The following CFAP299 variants were observed in gnomAD, a reference collection of about 807,000 sequenced individuals.
The protein encoded by CFAP299 is cilia and flagella associated protein 299, also known as cilia- and flagella-associated protein 299.
Under a neutral mutation model 27.0 loss-of-function variants are expected in CFAP299, and 21 were observed. The observed-to-expected ratio is 0.78, with a 90% CI of 0.55 to 1.12. CFAP299 has a LOEUF of 1.12. Ranked by LOEUF, CFAP299 falls within the 50% of genes most tolerant of loss-of-function variation. CFAP299 has a pLI of 0.00. For missense variants in CFAP299, 310 were observed against 276.6 expected, an observed-to-expected ratio of 1.12 and a Z score of -0.86; for synonymous variants, 104 against 98.1, an observed-to-expected ratio of 1.06 and a Z score of -0.36.
At chr4:80,775,776 A>G (rs896447727) in intron 3 of CFAP299, among the ~76,000 whole-genome samples, 1 of 152,160 alleles carries the variant, frequency 6.6e-6, no homozygotes, top group South Asian at 2.1e-4. Flanking sequence ...CTGGGATGCA[A>G]ATTCATAAAC....
At chr4:80,685,169 G>T (rs1228596531) in intron 3 of CFAP299, among the ~76,000 whole-genome samples, 15 of 152,112 alleles carry the variant, frequency 9.9e-5, no homozygotes, top group Admixed American at 9.8e-4. Context: ...AGACTCTTGG[G>T]CTGGCCCCAC....
At chr4:80,710,372 G>T (rs1488008360) in intron 3 of CFAP299, among the ~76,000 whole-genome samples, 1 of 151,780 alleles carries the variant, frequency 6.6e-6, no homozygotes. Context: ...AAAGAAGAAA[G>T]CTCAAATAAA....
chr4:80,335,166 GTAAAA>G (rs1722072944), upstream of CFAP299, among the ~76,000 whole-genome samples: 2 of 152,158 alleles, frequency 1.3e-5, no homozygotes, highest in African/African-American at 4.8e-5. Context: ...TGCTAAAATA[GTAAAA>G]TAAGTGCAAG....
At chr4:80,862,422 T>A (rs1732439457) in intron 3 of CFAP299, among the ~76,000 whole-genome samples, 1 of 152,088 alleles carries the variant, frequency 6.6e-6, no homozygotes, top group Non-Finnish European at 1.5e-5. Flanking sequence ...AAAATATAGA[T>A]ACGTCTTATA....
At chr4:80,638,757 G>A (rs937071921) in intron 3 of CFAP299, among the ~76,000 whole-genome samples, 1 of 152,152 alleles carries the variant, frequency 6.6e-6, no homozygotes, top group Non-Finnish European at 1.5e-5. Context: ...TCCATCATGG[G>A]TGCCTGCAGT....
At chr4:80,766,307 A>G (rs1476612942) in intron 3 of CFAP299, among the ~76,000 whole-genome samples, 1 of 152,206 alleles carries the variant, frequency 6.6e-6, no homozygotes, top group Non-Finnish European at 1.5e-5. Flanking sequence ...TTTACAATAG[A>G]ATACTGGAGT....
chr4:80,887,195 A>C (rs1257418423), intron 4 of CFAP299, among the ~76,000 whole-genome samples: 3 of 152,206 alleles, frequency 2.0e-5, no homozygotes, highest in East Asian at 1.9e-4. Flanking sequence ...AACGTCCCAA[A>C]CCTAGAGAAA....
rs571968426 is a variant in CFAP299 at position 80,856,265 on chromosome 4, G to C, written c.334-13728G>C. Among the ~76,000 whole-genome samples, 162 of 142,834 alleles carry C rather than the reference G, an allele frequency of 1.1e-3. 14 individuals are homozygous for C. The highest frequency in any genetic ancestry group is 4.3e-3 in the African/African-American group (159 of 36,710). The allele number at this position is 142,834 out of a possible 152,430, so 93.7% of individuals were successfully genotyped here. On this transcript the variant is annotated intron_variant, in intron 3 of 5. Coordinates refer to ENST00000358105, the MANE Select transcript of CFAP299 (RefSeq NM_152770.3). ...TTTTTGATGGGGTTGTTTTTTTCTT[G>C]TAAATTTGTTTGAGTTCAGTGTAGA...
chr4:80,536,275 G>T (rs1024751993), intron 2 of CFAP299, among the ~76,000 whole-genome samples: 2 of 152,116 alleles, frequency 1.3e-5, no homozygotes, highest in African/African-American at 4.8e-5. Context: ...TTTCAAGAAA[G>T]TCACTAAGTG....
At position 80,812,403 on chromosome 4, in the gene CFAP299, C is replaced by T. The variant is rs530494714; in HGVS notation, c.334-57590C>T. Among the ~76,000 whole-genome samples the T allele has an allele frequency of 2.6e-5, 4 of 152,148 alleles. No individual in the cohort carries two copies. The East Asian group carries it at 7.7e-4, about 29-fold the overall frequency. On this transcript the variant is annotated intron_variant, in intron 3 of 5. Transcript: ENST00000358105. ...CATTACACATAAGAGAGTCCCCTCC[C>T]TTATCCTAGGATTGAATAAAGAAAA...
chr4:80,762,467 A>G (rs188471747), intron 3 of CFAP299, among the ~76,000 whole-genome samples: 10 of 152,164 alleles, frequency 6.6e-5, no homozygotes, highest in Non-Finnish European at 1.3e-4. Flanking sequence ...CCCATTAACT[A>G]TCAATGCACC....
intron 3 of CFAP299, among the ~76,000 whole-genome samples, chr4:80,647,127 C>T (rs1441515324): frequency 2.0e-5 from 3 of 151,974 alleles, no homozygotes; most frequent in South Asian, 4.1e-4. Context: ...AGTATGTTAA[C>T]AAATAGTTTG....
intron 4 of CFAP299, among the ~76,000 whole-genome samples, chr4:80,897,960 C>T (rs34747140): frequency 0.067 from 10,184 of 152,204 alleles, 480 homozygotes; most frequent in Middle Eastern, 0.18. Context: ...GCAGGTGAGT[C>T]GGTGCAGGAG....
chr4:80,656,783 T>A (rs1740580492), intron 3 of CFAP299, among the ~76,000 whole-genome samples: 1 of 152,176 alleles, frequency 6.6e-6, no homozygotes, highest in Non-Finnish European at 1.5e-5. Context: ...TGGCTCTAGA[T>A]CCTTGAGGAA....
intron 3 of CFAP299, among the ~76,000 whole-genome samples, chr4:80,585,369 A>G (rs956159726): frequency 1.3e-5 from 2 of 152,178 alleles, no homozygotes; most frequent in Non-Finnish European, 2.9e-5. Context: ...CTGGAGAAAA[A>G]GATCTGAACT....
intron 3 of CFAP299, among the ~76,000 whole-genome samples, chr4:80,607,016 G>A (rs1737712410): frequency 6.6e-6 from 1 of 152,144 alleles, no homozygotes; most frequent in South Asian, 2.1e-4. Flanking sequence ...GGAAGGGAGA[G>A]AGGAAGGAAG....
intron 3 of CFAP299, among the ~76,000 whole-genome samples, chr4:80,749,417 A>G (rs1489922914): frequency 6.6e-6 from 1 of 152,240 alleles, no homozygotes; most frequent in African/African-American, 2.4e-5. Flanking sequence ...CTAGAGGGAC[A>G]GAACTCACAG....
chr4:80,956,119 T>G (rs1390916437), intron 5 of CFAP299, among the ~76,000 whole-genome samples: 1 of 152,184 alleles, frequency 6.6e-6, no homozygotes, highest in Non-Finnish European at 1.5e-5. Context: ...AATTAACAAC[T>G]CTCTACAAAC....
At chr4:80,432,240 C>T (rs1727851464) in intron 2 of CFAP299, among the ~76,000 whole-genome samples, 1 of 152,202 alleles carries the variant, frequency 6.6e-6, no homozygotes, top group African/African-American at 2.4e-5. Flanking sequence ...CAACCTCCCC[C>T]TCCAGGGTTC....
Sources: allele counts gnomAD v4.1 joint callset (sites outside exome capture counted in the v4.1 genomes callset), GRCh38; gene constraint gnomAD v4.1.1; transcripts MANE v1.5; gene names NCBI Gene and HGNC (gene_info 2026-07-23, HGNC 2026-07-21).